Variants in DIP2C observed in about 807,000 individuals in gnomAD.
DIP2C encodes the protein disco-interacting protein 2 homolog C.
Under a neutral mutation model 192.4 loss-of-function variants are expected in DIP2C, and 33 were observed. The ratio of observed to expected loss-of-function variants is 0.17; its 90% CI spans 0.13 to 0.23. DIP2C has a LOEUF of 0.23. Among genes scored for constraint, DIP2C ranks in the 10% least tolerant of loss-of-function variants. The probability of loss-of-function intolerance (pLI) is 1.00; values close to 1 mark genes in which losing one functional copy is unlikely to be tolerated. For synonymous variants in DIP2C, 979 were observed against 864.1 expected (o/e 1.13, Z -2.33); for missense variants, 1,537 against 2,110.1 (o/e 0.73, Z 5.32).
At chr10:421,475 C>T (rs750424185) in intron 5 of DIP2C, among the ~76,000 whole-genome samples, 3 of 152,160 alleles carry the variant, frequency 2.0e-5, no homozygotes, top group African/African-American at 4.8e-5. Flanking sequence ...CTGGCAGAGC[C>T]TCAGCCACTA....
At chr10:406,644 A>G (rs756270023) in intron 9 of DIP2C, among the ~76,000 whole-genome samples, 24 of 152,186 alleles carry the variant, frequency 1.6e-4, no homozygotes, top group Non-Finnish European at 3.4e-4. Context: ...CAAAACTGGT[A>G]ATAGCCCTTT....
intron 1 of DIP2C, among the ~76,000 whole-genome samples, chr10:554,166 T>C (rs1297026780): frequency 1.3e-5 from 2 of 151,272 alleles, no homozygotes; most frequent in Admixed American, 6.6e-5. Flanking sequence ...CTAAGAGTGG[T>C]GAACAAGCAA....
intron 32 of DIP2C, among the ~76,000 whole-genome samples, chr10:305,304 C>T (rs1446397595): frequency 6.6e-6 from 1 of 152,176 alleles, no homozygotes; most frequent in Non-Finnish European, 1.5e-5. Context: ...AACACACATG[C>T]ATGTATGCAC....
chr10:545,166 C>CCTTTTTTTTTTTTTT lies in DIP2C; in HGVS notation c.86-58637_86-58636insAAAAAAAAAAAAAAG, dbSNP rs1554896881. On this transcript the variant is annotated intron_variant, in intron 1 of 36. Coordinates refer to ENST00000280886, the MANE Select transcript of DIP2C (RefSeq NM_014974.3). ...TGATCCAACATGACTGGTGTTTTCC[C>CCTTTTTTTTTTTTTT]TTTTTTTTTTTTTTTTTTTTTTTGA... 4.0e-3 allele frequency among the ~76,000 whole-genome samples: 349 copies of CCTTTTTTTTTTTTTT among 86,362 alleles called. 7 individuals are homozygous for CCTTTTTTTTTTTTTT. Among genetic ancestry groups the CCTTTTTTTTTTTTTT allele is most frequent in the Middle Eastern group, 8.3e-3 (1 of 120 alleles). 56.7% of individuals were successfully genotyped at this position (86,362 alleles called of 152,430 possible).
chr10:401,333 T>A (rs570361125), intron 9 of DIP2C, among the ~76,000 whole-genome samples: 1 of 151,922 alleles, frequency 6.6e-6, no homozygotes, highest in Non-Finnish European at 1.5e-5. Flanking sequence ...AGCACATGAA[T>A]CCTATGATTT....
intron 29 of DIP2C, among the ~76,000 whole-genome samples, chr10:330,917 A>T (rs1218163392): frequency 6.8e-6 from 1 of 148,012 alleles, no homozygotes; most frequent in African/African-American, 2.5e-5. Context: ...AGCTGAGGCC[A>T]TCCTCCCACC....
rs200305399 is a variant in DIP2C at position 278,324 on chromosome 10, CA to C, written c.4419-748del. Among the ~76,000 whole-genome samples the C allele has an allele frequency of 8.5e-5, 13 of 152,380 alleles. No individual in the cohort carries two copies. The East Asian group carries it at 1.5e-3, about 18-fold the overall frequency. The stretch of plus-strand genomic sequence containing the variant: ...TGCGCCTGAGTGGGGGTGTGTTTCC[CA>C]GTCCTGGGGCTTGGGCTCAGCATGG... On this transcript the variant is annotated intron_variant, in intron 36 of 36. Coordinates refer to ENST00000280886, the MANE Select transcript of DIP2C (RefSeq NM_014974.3).
At chr10:293,843 CA>C (rs1456246573) in intron 32 of DIP2C, among the ~76,000 whole-genome samples, 1 of 152,164 alleles carries the variant, frequency 6.6e-6, no homozygotes, top group African/African-American at 2.4e-5. Flanking sequence ...CAAGCCCTAA[CA>C]AAAGCTACAG....
intron 31 of DIP2C, among the ~76,000 whole-genome samples, chr10:326,271 C>A (rs1957268841): frequency 1.3e-5 from 2 of 152,170 alleles, no homozygotes; most frequent in African/African-American, 4.8e-5. Context: ...GAGGTTCCCT[C>A]CTCTGACCTA....
chr10:413,858 G>T, intron 8 of DIP2C, 55 bp downstream of exon 8: 15 of 1,581,616 alleles, frequency 9.5e-6, no homozygotes, highest in Non-Finnish European at 1.3e-5. Context: ...TCCTGCGTTC[G>T]GGAGTGGCTG....
At chr10:310,185 A>C in intron 31 of DIP2C, 93 bp from the exon 32 acceptor site, 1 of 1,233,760 alleles carries the variant, frequency 8.1e-7, no homozygotes, top group Non-Finnish European at 1.2e-6. Context: ...CTTTTGTAAA[A>C]TCTTAAAGTG....
At chr10:671,168 C>A (rs1253926594) in intron 1 of DIP2C, among the ~76,000 whole-genome samples, 2 of 152,236 alleles carry the variant, frequency 1.3e-5, no homozygotes, top group African/African-American at 4.8e-5. Flanking sequence ...CCCTGCCACA[C>A]AGGGGACACA....
chr10:469,672 T>G (rs1292077651), intron 3 of DIP2C, among the ~76,000 whole-genome samples: 5 of 152,060 alleles, frequency 3.3e-5, no homozygotes, highest in Non-Finnish European at 7.4e-5. Context: ...TTGTTTGGAC[T>G]CCCCCACTTT....
At chr10:449,375 T>C (rs980191023) in intron 3 of DIP2C, among the ~76,000 whole-genome samples, 4 of 152,164 alleles carry the variant, frequency 2.6e-5, no homozygotes, top group Non-Finnish European at 4.4e-5. Flanking sequence ...CAATTTTCTC[T>C]TCTGAGAAAA....
intron 1 of DIP2C, among the ~76,000 whole-genome samples, chr10:525,263 GA>G (rs1253212420): frequency 2.0e-5 from 3 of 152,076 alleles, no homozygotes; most frequent in African/African-American, 7.2e-5. Context: ...GATAGAATTT[GA>G]CTTCAGCAAT....
Position 286,341 on chromosome 10 carries a change from G to T in DIP2C, c.4051C>A (p.Pro1351Thr), listed in dbSNP as rs752463852. 3 of 1,614,118 alleles carry T rather than the reference G, an allele frequency of 1.9e-6. No homozygotes were observed. Among genetic ancestry groups the T allele is most frequent in the Non-Finnish European group, 2.5e-6 (3 of 1,179,980 alleles). Residue 1351 changes from proline (P) to threonine (T), a missense_variant, in exon 34 of 37, where the codon CCA (proline) becomes ACA (threonine). Pro to Thr is a conservative substitution (Grantham distance 38). Coordinates refer to ENST00000280886, the MANE Select transcript of DIP2C (RefSeq NM_014974.3). ...TTGGCAATTATAATCCGAACCCCTG[G>T]AAGTATCTATTTGGGAGAGGAAAAG... ...LPLMESGKIL[P>T]GVRIIIANPE...
rs529261564 is a variant in DIP2C at position 490,511 on chromosome 10, C to T, written c.86-3981G>A. On this transcript the variant is annotated intron_variant, in intron 1 of 36. Transcript: ENST00000280886. ...TATTTCGAAAGTCAACTCCCGTCTC[C>T]GGGGAGGCCCTCCGGGAGGCTGGGT... Among the ~76,000 whole-genome samples the T allele has an allele frequency of 1.4e-4, 21 of 152,258 alleles. No individual in the cohort carries two copies. In the South Asian group the frequency reaches 1.9e-3, roughly 14 times the overall value.
intron 1 of DIP2C, among the ~76,000 whole-genome samples, chr10:590,390 A>ACGC (rs1296317047): frequency 1.3e-5 from 2 of 152,210 alleles, no homozygotes; most frequent in African/African-American, 4.8e-5. Flanking sequence ...TAAATGACTA[A>ACGC]CGCCCACACT....
intron 1 of DIP2C, among the ~76,000 whole-genome samples, chr10:606,588 G>A (rs982154252): frequency 4.0e-5 from 6 of 151,088 alleles, no homozygotes; most frequent in African/African-American, 1.5e-4. Flanking sequence ...CCCCGCTGCC[G>A]TAATTACCTG....
Sources: allele counts gnomAD v4.1 joint callset (sites outside exome capture counted in the v4.1 genomes callset), GRCh38; gene constraint gnomAD v4.1.1; transcripts MANE v1.5; gene names NCBI Gene and HGNC (gene_info 2026-07-23, HGNC 2026-07-21).